Variants in GPHN observed in about 807,000 individuals in gnomAD.
GPHN encodes the protein gephyrin.
GPHN carries 17 observed loss-of-function variants against 95.5 expected under a neutral mutation model. The ratio of observed to expected loss-of-function variants is 0.18; its 90% CI spans 0.12 to 0.27. GPHN has a LOEUF of 0.27. GPHN is among the 10% of genes least tolerant of loss of function. The pLI is 1.00. For missense variants in GPHN, 660 were observed against 978.1 expected, an observed-to-expected ratio of 0.67 and a Z score of 4.34; for synonymous variants, 320 against 322.5, an observed-to-expected ratio of 0.99 and a Z score of 0.08.
chr14:67,733,708 C>A, the GPHN span: 1 of 1,398,456 alleles, frequency 7.2e-7, no homozygotes, highest in South Asian at 1.2e-5. Flanking sequence ...ACTGCTAATT[C>A]TCATTCCTGG....
intron 3 of GPHN, among the ~76,000 whole-genome samples, chr14:66,795,546 T>C (rs1329359905): frequency 6.6e-6 from 1 of 152,110 alleles, no homozygotes; most frequent in Non-Finnish European, 1.5e-5. Context: ...TCAGTTAACT[T>C]GTTATATATT....
At chr14:67,154,692 C>T (rs937903953) in intron 18 of GPHN, among the ~76,000 whole-genome samples, 1 of 152,124 alleles carries the variant, frequency 6.6e-6, no homozygotes, top group East Asian at 1.9e-4. Context: ...TATCAGCTAT[C>T]AAAGCAGTTG....
the GPHN span, among the ~76,000 whole-genome samples, chr14:67,231,016 C>G: frequency 6.6e-6 from 1 of 152,050 alleles, no homozygotes; most frequent in Non-Finnish European, 1.5e-5. Flanking sequence ...GTAGCCTTCT[C>G]GATGATCAGA....
At chr14:66,881,285 A>T (rs1033905553) in intron 5 of GPHN, among the ~76,000 whole-genome samples, 2 of 151,922 alleles carry the variant, frequency 1.3e-5, no homozygotes, top group Non-Finnish European at 2.9e-5. Context: ...GCCTTTAAGG[A>T]ACTCCAGTTG....
chr14:67,502,732 G>A, the GPHN span, among the ~76,000 whole-genome samples: 94 of 152,090 alleles, frequency 6.2e-4, no homozygotes, highest in African/African-American at 2.0e-3. Context: ...GATTATAGGC[G>A]TGAGCCACCG....
At chr14:67,573,394 T>A in the GPHN span, 3 of 1,522,506 alleles carry the variant, frequency 2.0e-6, no homozygotes, top group South Asian at 3.4e-5. The surrounding 1 kb of genome is among the most constrained non-coding windows in gnomAD (Gnocchi z 4.8). Context: ...CCGGTGAGAG[T>A]CTCCCCGCCC....
chr14:66,928,374 C>A (rs2066601489), intron 8 of GPHN, among the ~76,000 whole-genome samples: 1 of 152,012 alleles, frequency 6.6e-6, no homozygotes. Context: ...ATCATGATGT[C>A]TCCTTTTTCA....
intron 1 of GPHN, among the ~76,000 whole-genome samples, chr14:66,655,377 CA>C (rs2153368874): frequency 6.6e-6 from 1 of 152,138 alleles, no homozygotes; most frequent in Admixed American, 6.5e-5. Flanking sequence ...TGATAAGTGG[CA>C]TTATATTTTA....
chr14:67,200,146 G>T, the GPHN span: 1 of 1,132,716 alleles, frequency 8.8e-7, no homozygotes, highest in Non-Finnish European at 1.3e-6. Context: ...ATCTCCCATG[G>T]GTCACCCAGG....
the GPHN span, among the ~76,000 whole-genome samples, chr14:67,481,141 A>T: frequency 1.3e-5 from 2 of 152,120 alleles, no homozygotes; most frequent in Non-Finnish European, 2.9e-5. Context: ...AAAGAAAAAA[A>T]AGTAGGCTGG....
At chr14:67,589,444 T>C in the GPHN span, 1 of 985,262 alleles carries the variant, frequency 1.0e-6, no homozygotes, top group East Asian at 1.1e-4. Context: ...AAAAAAATGC[T>C]GAGTAACAGA....
At chr14:67,656,263 TAATA>T in the GPHN span, 11 of 728,428 alleles carry the variant, frequency 1.5e-5, no homozygotes, top group African/African-American at 5.6e-5. Flanking sequence ...AAAAAAAAAT[TAATA>T]AATAAAAATT....
At chr14:67,733,753 A>C in the GPHN span, 1 of 1,612,000 alleles carries the variant, frequency 6.2e-7, no homozygotes, top group African/African-American at 1.3e-5. Flanking sequence ...CAGTGACTGC[A>C]AGAGGACCTG....
At chr14:67,143,589 G>A (rs1422099148) in intron 18 of GPHN, 140 bp downstream of exon 18, 2 of 722,818 alleles carry the variant, frequency 2.8e-6, no homozygotes, top group African/African-American at 3.4e-5. Flanking sequence ...AGAAATTACT[G>A]GTCTCTTTAA....
At chr14:67,585,703 G>C in the GPHN span, 4 of 1,335,740 alleles carry the variant, frequency 3.0e-6, no homozygotes, top group Non-Finnish European at 4.2e-6. Flanking sequence ...TCCTCAACAT[G>C]GTCTTTTCTT....
intron 1 of GPHN, among the ~76,000 whole-genome samples, chr14:66,516,225 C>T (rs1371176110): frequency 1.3e-5 from 2 of 150,018 alleles, no homozygotes; most frequent in East Asian, 2.0e-4. Flanking sequence ...ACCATGTTGG[C>T]CAGGCTGGTT....
intron 18 of GPHN, among the ~76,000 whole-genome samples, chr14:67,144,621 T>G (rs2080790141): frequency 6.6e-6 from 1 of 152,154 alleles, no homozygotes; most frequent in Admixed American, 6.5e-5. Flanking sequence ...CCAAAATTCA[T>G]ATTTTCTAAG....
At chr14:66,691,989 C>G (rs954225166) in intron 2 of GPHN, among the ~76,000 whole-genome samples, 1 of 152,082 alleles carries the variant, frequency 6.6e-6, no homozygotes, top group African/African-American at 2.4e-5. Flanking sequence ...AAATCAAATT[C>G]GGATTTGTCC....
intron 9 of GPHN, among the ~76,000 whole-genome samples, chr14:67,008,538 AATTTATTTATTT>A (rs140066998): frequency 1.3e-5 from 2 of 151,106 alleles, no homozygotes; most frequent in Non-Finnish European, 2.9e-5. Context: ...CTTTTTTTAA[AATTTATTTATTT>A]ATTTATTTAT....
Sources: allele counts gnomAD v4.1 joint callset (sites outside exome capture counted in the v4.1 genomes callset), GRCh38; gene constraint gnomAD v4.1.1; non-coding constraint Gnocchi (gnomAD v3.1); transcripts MANE v1.5; gene names NCBI Gene and HGNC (gene_info 2026-07-23, HGNC 2026-07-21).